The following CRHR2 variants were observed in gnomAD, a reference collection of about 807,000 sequenced individuals.
The protein encoded by CRHR2 is corticotropin releasing hormone receptor 2, also known as corticotropin-releasing hormone receptor 2.
In CRHR2, 53 loss-of-function variants were observed where a neutral mutation model predicts 57.9. The observed-to-expected ratio is 0.92, with a 90% CI of 0.73 to 1.15. The LOEUF is 1.15. Among genes scored for constraint, CRHR2 ranks in the 50% most tolerant of loss-of-function variants. The pLI, the probability that CRHR2 is intolerant of heterozygous loss-of-function variation, is 0.00. For missense variants in CRHR2, 532 were observed against 542.6 expected (o/e 0.98, Z 0.19); for synonymous variants, 213 against 220.9 (o/e 0.96, Z 0.32).
In CRHR2 at chr7:30,665,469, G is replaced by C; in HGVS notation, c.425+61C>G. 5 of 1,353,228 alleles carry C rather than the reference G, an allele frequency of 3.7e-6. No individual in the cohort carries two copies. The highest frequency in any genetic ancestry group is 5.2e-6 in the Non-Finnish European group (5 of 969,232). The allele number at this position is 1,353,228 out of a possible 1,614,324, so 83.8% of individuals were successfully genotyped here. A position where few individuals can be genotyped will look rare whatever the true frequency, so the allele number is the denominator to read the frequency against. ...AATGGAGGTGAGAATGTCTGGGAGA[G>C]GTGAAGGGGGTGCTGTAGGGGGAGG... On this transcript the variant is annotated intron_variant, in intron 4 of 11. Transcript: ENST00000471646. This position sits in a 1 kb window ranked among gnomAD's most constrained non-coding sequence, Gnocchi z 4.5.
intron 1 of CRHR2, among the ~76,000 whole-genome samples, chr7:30,689,648 C>A (rs1243457266): frequency 6.6e-6 from 1 of 152,152 alleles, no homozygotes; most frequent in African/African-American, 2.4e-5. Flanking sequence ...ATTCAACCAA[C>A]AAATATTTGC....
At chr7:30,679,190 C>T (rs1407708919) in intron 2 of CRHR2, among the ~76,000 whole-genome samples, 1 of 152,228 alleles carries the variant, frequency 6.6e-6, no homozygotes, top group Non-Finnish European at 1.5e-5. Flanking sequence ...AGAAGTCCAG[C>T]TCAGAGGGCT....
intron 2 of CRHR2, among the ~76,000 whole-genome samples, chr7:30,688,408 C>A (rs1784896008): frequency 1.3e-5 from 2 of 152,188 alleles, no homozygotes. Context: ...CTGGGCGAGG[C>A]CGCTGGGTGG....
At chr7:30,662,585 G>A in intron 6 of CRHR2, 109 bp downstream of exon 6, 1 of 1,358,278 alleles carries the variant, frequency 7.4e-7, no homozygotes, top group Non-Finnish European at 1.0e-6. Flanking sequence ...GGACTGCGCT[G>A]GGGGTGGAGG....
At chr7:30,699,269 T>G (rs949463148) in intron 1 of CRHR2, among the ~76,000 whole-genome samples, 1 of 152,140 alleles carries the variant, frequency 6.6e-6, no homozygotes, top group Non-Finnish European at 1.5e-5. Flanking sequence ...CTTCCATCGG[T>G]GGCCCCTGAC....
At chr7:30,658,339 G>A (rs1783867413) in intron 8 of CRHR2, among the ~76,000 whole-genome samples, 1 of 152,126 alleles carries the variant, frequency 6.6e-6, no homozygotes, top group Non-Finnish European at 1.5e-5. Context: ...TGAATCAATG[G>A]ACCATGTGTC....
chr7:30,697,135 C>T (rs1289409253), intron 1 of CRHR2, among the ~76,000 whole-genome samples: 2 of 152,192 alleles, frequency 1.3e-5, no homozygotes, highest in Non-Finnish European at 2.9e-5. Context: ...ACTGTGGACT[C>T]GGTCTTTGGT....
At chr7:30,686,846 A>G (rs1350380348), upstream of CRHR2, among the ~76,000 whole-genome samples, 1 of 152,224 alleles carries the variant, frequency 6.6e-6, no homozygotes, top group Admixed American at 6.5e-5. Flanking sequence ...TGAATTGATC[A>G]TAGATTCGTG....
intron 1 of CRHR2, among the ~76,000 whole-genome samples, chr7:30,691,816 C>G (rs1784966131): frequency 6.6e-6 from 1 of 152,154 alleles, no homozygotes; most frequent in Admixed American, 6.5e-5. Context: ...ATCTACCATG[C>G]AGGTGTCAAT....
intron 11 of CRHR2, chr7:30,654,553 G>A (rs1783704052): frequency 1.2e-6 from 1 of 863,196 alleles, no homozygotes; most frequent in Non-Finnish European, 1.8e-6. Context: ...CTGCACTGGG[G>A]CTTTGGGCCT....
Position 30,654,781 on chromosome 7 carries a change from C to T in CRHR2, c.1095+258G>A, listed in dbSNP as rs568709511. Reference sequence around the variant, plus strand: ...GGCTTCTCTCTTCCATGAGGCCCTGCGGCCTGGGCTTCCTTGCTCACCCAG... The same window carrying T: ...GGCTTCTCTCTTCCATGAGGCCCTGTGGCCTGGGCTTCCTTGCTCACCCAG... On this transcript the variant is annotated intron_variant, in intron 11 of 11. Coordinates refer to ENST00000471646, the MANE Select transcript of CRHR2 (RefSeq NM_001883.5). 15 of 1,536,742 alleles carry T rather than the reference C, an allele frequency of 9.8e-6. No individual in the cohort carries two copies. In the East Asian group the frequency reaches 9.8e-5, roughly 10 times the overall value.
Position 30,673,701 on chromosome 7 carries a change from C to T in CRHR2, c.230-6388G>A, listed in dbSNP as rs543943932. Among the ~76,000 whole-genome samples, 6 of 152,314 alleles carry T rather than the reference C, an allele frequency of 3.9e-5. No individual in the cohort carries two copies. The South Asian group carries it at 8.3e-4, about 21-fold the overall frequency. ...GCATGGTTTTCCTGAGCTTCCCAAA[C>T]GAGGTGCATCTCCTTGAGTCAGCAT... On this transcript the variant is annotated intron_variant, in intron 2 of 11. Transcript: ENST00000471646.
chr7:30,677,915 T>C, intron 2 of CRHR2, among the ~76,000 whole-genome samples: 1 of 152,128 alleles, frequency 6.6e-6, no homozygotes, highest in East Asian at 1.9e-4. Context: ...ACAAAAAATT[T>C]AAAAATTAGC....
intron 2 of CRHR2, among the ~76,000 whole-genome samples, chr7:30,678,432 A>C (rs1183758161): frequency 2.0e-5 from 3 of 152,178 alleles, no homozygotes; most frequent in Non-Finnish European, 4.4e-5. Flanking sequence ...AGAACACCCA[A>C]GGAGACTCGT....
chr7:30,679,577 C>T (rs942432721), intron 2 of CRHR2, among the ~76,000 whole-genome samples: 1 of 152,144 alleles, frequency 6.6e-6, no homozygotes, highest in Admixed American at 6.5e-5. Context: ...GTTGAAAAAT[C>T]GCAGAGACTA....
chr7:30,673,406 C>T (rs1426006023), intron 2 of CRHR2, among the ~76,000 whole-genome samples: 1 of 151,842 alleles, frequency 6.6e-6, no homozygotes, highest in Non-Finnish European at 1.5e-5. Context: ...TTTGTAGAAA[C>T]GGGGTCTCAC....
Position 30,654,094 on chromosome 7 carries a change from C to A in CRHR2, c.1096-494G>T, listed in dbSNP as rs1783683691. On this transcript the variant is annotated intron_variant, in intron 11 of 11. Coordinates refer to ENST00000471646, the MANE Select transcript of CRHR2 (RefSeq NM_001883.5). The stretch of plus-strand genomic sequence containing the variant: ...CTGCTAGACTCCCCTGCCTGACTAA[C>A]CATGGCATTTACTGCCTGAAAGGGA... Among the ~76,000 whole-genome samples the A allele has an allele frequency of 2.6e-5, 4 of 152,180 alleles. No individual in the cohort carries two copies. The South Asian group carries it at 6.2e-4, about 24-fold the overall frequency.
chr7:30,691,841 C>T (rs1784966748), intron 1 of CRHR2, among the ~76,000 whole-genome samples: 1 of 152,138 alleles, frequency 6.6e-6, no homozygotes, highest in African/African-American at 2.4e-5. Flanking sequence ...GGCAGAGCCC[C>T]TAGTGGTGGT....
At chr7:30,674,889 C>G (rs995955693) in intron 2 of CRHR2, among the ~76,000 whole-genome samples, 1 of 152,154 alleles carries the variant, frequency 6.6e-6, no homozygotes, top group African/African-American at 2.4e-5. Context: ...ACTCCCCTCC[C>G]CTTGCTGACA....
Sources: allele counts gnomAD v4.1 joint callset (sites outside exome capture counted in the v4.1 genomes callset), GRCh38; gene constraint gnomAD v4.1.1; non-coding constraint Gnocchi (gnomAD v3.1); transcripts MANE v1.5; gene names NCBI Gene and HGNC (gene_info 2026-07-23, HGNC 2026-07-21).